Variants in COL5A1 observed in about 807,000 individuals in gnomAD.
COL5A1 encodes collagen alpha-1(V) chain.
A neutral mutation model predicts 263.7 loss-of-function variants in COL5A1; 16 were observed. That is an observed-to-expected ratio of 0.06 (90% confidence interval 0.04 to 0.09). The LOEUF (loss-of-function observed/expected upper bound fraction) is 0.09. Among genes scored for constraint, COL5A1 ranks in the 10% least tolerant of loss-of-function variants. The probability of loss-of-function intolerance (pLI) is 1.00; values close to 1 mark genes in which losing one functional copy is unlikely to be tolerated. For missense variants in COL5A1, 2,036 were observed against 2,540.5 expected (o/e 0.80, Z 4.27); for synonymous variants, 1,012 against 1,004.5 (o/e 1.01, Z -0.14).
At chr9:134,684,843 CAT>C (rs1438753505) in intron 1 of COL5A1, among the ~76,000 whole-genome samples, 1 of 152,200 alleles carries the variant, frequency 6.6e-6, no homozygotes, top group Non-Finnish European at 1.5e-5. Flanking sequence ...TGATTTTCAC[CAT>C]TCACTTGCTC....
In COL5A1 at chr9:134,753,861, G is replaced by A. The variant is rs1427600036; in HGVS notation, c.1731G>A (p.Gly577=). ...CCATGTCTCCCTAGGGTCCCCCTGG[G>A]AGCGGAGGTTTGAAGGGCGAGCCGG... The part of the protein sequence containing the change: ...TGRPGPVGPP[G]SGGLKGEPGD... The change falls in exon 15 of 66, where the codon GGG becomes GGA. Residue 577 remains glycine, a synonymous_variant. Coordinates refer to ENST00000371817, the MANE Select transcript of COL5A1 (RefSeq NM_000093.5). The A allele has an allele frequency of 6.2e-7, 1 of 1,613,528 alleles. No homozygotes were observed. The highest frequency in any genetic ancestry group is 1.1e-5 in the South Asian group (1 of 91,036).
intron 2 of COL5A1, among the ~76,000 whole-genome samples, chr9:134,694,367 C>T (rs534640269): frequency 6.6e-6 from 1 of 152,256 alleles, no homozygotes; most frequent in African/African-American, 2.4e-5. Flanking sequence ...GGTCCTGTAT[C>T]CCCCACTGGG....
At chr9:134,683,127 C>T (rs144634523) in intron 1 of COL5A1, among the ~76,000 whole-genome samples, 57 of 152,274 alleles carry the variant, frequency 3.7e-4, no homozygotes, top group Middle Eastern at 3.4e-3. Flanking sequence ...CAGAGTGGCA[C>T]GCCAGGCTGA....
Position 134,716,285 on chromosome 9 carries a change from C to T in COL5A1, c.655-10981C>T, listed in dbSNP as rs372401399. On this transcript the variant is annotated intron_variant, in intron 4 of 65. Coordinates refer to ENST00000371817, the MANE Select transcript of COL5A1 (RefSeq NM_000093.5). The surrounding 1 kb of genome is among the most constrained non-coding windows in gnomAD (Gnocchi z 4.5). ...CCTCACAGATGACAAGGGAGGGACCCGGTGCCCAGGCCTCCTGTGGTCAGT... is the reference window on the plus strand; with the variant it reads ...CCTCACAGATGACAAGGGAGGGACCTGGTGCCCAGGCCTCCTGTGGTCAGT... Among the ~76,000 whole-genome samples, 8 of 152,306 alleles carry T rather than the reference C, an allele frequency of 5.3e-5. No homozygotes were observed. The highest frequency in any genetic ancestry group is 3.9e-4 in the East Asian group (2 of 5,186).
rs1831504223 is a variant in COL5A1 at position 134,647,238 on chromosome 9, G to T, written c.109+4942G>T. 6.6e-6 allele frequency among the ~76,000 whole-genome samples: 1 copy of T among 152,130 alleles called. No homozygotes were observed. Among genetic ancestry groups the T allele is most frequent in the African/African-American group, 2.4e-5 (1 of 41,424 alleles). On this transcript the variant is annotated intron_variant, in intron 1 of 65. Coordinates refer to ENST00000371817, the MANE Select transcript of COL5A1 (RefSeq NM_000093.5). The surrounding 1 kb of genome is among the most constrained non-coding windows in gnomAD (Gnocchi z 5.0). Reference sequence around the variant, plus strand: ...TCTCTGCTGCCCCTTTGCCTTCCTTGGCCTCGGTTCTTTGCTTTCCCACGG... The same window carrying T: ...TCTCTGCTGCCCCTTTGCCTTCCTTTGCCTCGGTTCTTTGCTTTCCCACGG...
At chr9:134,759,864 TCACA>T (rs139729908) in intron 18 of COL5A1, among the ~76,000 whole-genome samples, 2 of 24,240 alleles carry the variant, frequency 8.3e-5, no homozygotes, top group African/African-American at 2.6e-4. Context: ...ACCCCCACAC[TCACA>T]CATGCACACA....
At chr9:134,653,369 C>T (rs1831761301) in intron 1 of COL5A1, 1 of 152,460 alleles carries the variant, frequency 6.6e-6, no homozygotes, top group African/African-American at 2.4e-5. Flanking sequence ...CGTGTTCTGC[C>T]TGGGGCCACA....
At chr9:134,655,056 G>T (rs1171597694) in intron 1 of COL5A1, among the ~76,000 whole-genome samples, 1 of 131,292 alleles carries the variant, frequency 7.6e-6, no homozygotes, top group Non-Finnish European at 1.6e-5. Context: ...GCTGGTGTGT[G>T]TAGGGCTGGA....
chr9:134,740,269 C>T (rs1835255925), intron 11 of COL5A1, among the ~76,000 whole-genome samples: 1 of 152,228 alleles, frequency 6.6e-6, no homozygotes, highest in Admixed American at 6.5e-5. Flanking sequence ...GTGGCCGCTG[C>T]TCTTACCCAG....
At chr9:134,817,664 G>A (rs1022154855) in intron 53 of COL5A1, 114 bp from the exon 54 acceptor site, 12 of 963,080 alleles carry the variant, frequency 1.2e-5, no homozygotes, top group Admixed American at 8.1e-5. Flanking sequence ...ACCCGAGCTC[G>A]TCCCTCTGCC....
At position 134,821,060 on chromosome 9, in the gene COL5A1, G is replaced by A. The variant is rs1045002164; in HGVS notation, c.4554+837G>A. Among the ~76,000 whole-genome samples, 1 of 152,104 alleles carries A rather than the reference G, an allele frequency of 6.6e-6. No individual in the cohort carries two copies. The highest frequency in any genetic ancestry group is 1.9e-4 in the East Asian group (1 of 5,168). On this transcript the variant is annotated intron_variant, in intron 58 of 65. Coordinates refer to ENST00000371817, the MANE Select transcript of COL5A1 (RefSeq NM_000093.5). The surrounding 1 kb of genome is among the most constrained non-coding windows in gnomAD (Gnocchi z 4.2). ...ACATGGCTGAAGGGTGGAGCTCATTGCAAACCCTACCTCACTGGCCAGTGT... is the reference window on the plus strand; with the variant it reads ...ACATGGCTGAAGGGTGGAGCTCATTACAAACCCTACCTCACTGGCCAGTGT...
In COL5A1 at chr9:134,727,289, T is replaced by C. The variant is rs549454551; in HGVS notation, c.678T>C (p.Phe226=). 35 of 1,614,028 alleles carry C rather than the reference T, an allele frequency of 2.2e-5. No homozygotes were observed. The Middle Eastern group carries it at 6.6e-4, about 31-fold the overall frequency. The change falls in exon 5 of 66, where the codon TTT becomes TTC. Residue 226 remains phenylalanine, a synonymous_variant. Coordinates refer to ENST00000371817, the MANE Select transcript of COL5A1 (RefSeq NM_000093.5). ...AGGGTGACATCCAGCAGCTGCTCTT[T>C]GTCTCGGACCACCGGGCAGCTTATG... The part of the protein sequence containing the change: ...VFEGDIQQLL[F]VSDHRAAYDY...
chr9:134,696,025 C>T lies in COL5A1; in HGVS notation c.278-3884C>T, dbSNP rs1397845068. ...TGCCATGCTCCCCTTAGCCCGGCCC[C>T]TCCTGGGCTGCCAGGGTCCAGCTGA... On this transcript the variant is annotated intron_variant, in intron 2 of 65. Coordinates refer to ENST00000371817, the MANE Select transcript of COL5A1 (RefSeq NM_000093.5). This position sits in a 1 kb window ranked among gnomAD's most constrained non-coding sequence, Gnocchi z 4.3. 6.6e-6 allele frequency among the ~76,000 whole-genome samples: 1 copy of T among 152,164 alleles called. No individual in the cohort carries two copies. The highest frequency in any genetic ancestry group is 2.4e-5 in the African/African-American group (1 of 41,432).
At chr9:134,727,219 C>G (rs183059598) in intron 4 of COL5A1, 47 bp from the exon 5 acceptor site, 2 of 1,607,962 alleles carry the variant, frequency 1.2e-6, no homozygotes, top group Admixed American at 1.7e-5. Context: ...GGTCCCCATG[C>G]GAGTGCTCTG....
At chr9:134,829,832 G>T (rs559658365) in intron 63 of COL5A1, 144 bp from the exon 64 acceptor site, 5 of 866,988 alleles carry the variant, frequency 5.8e-6, no homozygotes, top group African/African-American at 1.7e-5. Flanking sequence ...CACTGAAGGC[G>T]CTCGGTGGGT....
At chr9:134,804,717 A>AGTGTCT (rs1554803494) in intron 39 of COL5A1, among the ~76,000 whole-genome samples, 2 of 152,212 alleles carry the variant, frequency 1.3e-5, no homozygotes, top group Non-Finnish European at 2.9e-5. Context: ...AGTGGCCAGG[A>AGTGTCT]GAAGCCCAAT....
intron 46 of COL5A1, among the ~76,000 whole-genome samples, chr9:134,812,041 C>T (rs967986362): frequency 3.3e-5 from 5 of 152,314 alleles, no homozygotes; most frequent in African/African-American, 1.2e-4. Flanking sequence ...CCCCATTTTC[C>T]ATCCTCCATT....
At position 134,682,238 on chromosome 9, in the gene COL5A1, G is replaced by A. The variant is rs1295793166; in HGVS notation, c.110-8674G>A. On this transcript the variant is annotated intron_variant, in intron 1 of 65. Transcript: ENST00000371817. This position sits in a 1 kb window ranked among gnomAD's most constrained non-coding sequence, Gnocchi z 5.1. ...GTCCCCAGAGCCGACAGCACTATTC[G>A]GCTGGGTGCCAGGGACCCAGCCTAG... Among the ~76,000 whole-genome samples, 2 of 152,170 alleles carry A rather than the reference G, an allele frequency of 1.3e-5. No homozygotes were observed. Among genetic ancestry groups the A allele is most frequent in the Non-Finnish European group, 2.9e-5 (2 of 68,024 alleles).
intron 31 of COL5A1, among the ~76,000 whole-genome samples, chr9:134,787,872 G>T (rs147347704): frequency 2.2e-3 from 334 of 152,364 alleles, no homozygotes; most frequent in Non-Finnish European, 3.7e-3. Flanking sequence ...GCGCGTGGGG[G>T]ATGGTGGCAG....
Sources: gnomAD v4.1 joint callset for allele counts (sites outside exome capture counted in the v4.1 genomes callset) on GRCh38, gnomAD v4.1.1 for gene constraint, Gnocchi (gnomAD v3.1) non-coding constraint, MANE v1.5 for transcripts, NCBI Gene and HGNC (gene_info 2026-07-23, HGNC 2026-07-21) for gene names.